The following DNAJC17 variants were observed in gnomAD, a reference collection of about 807,000 sequenced individuals.
DNAJC17 encodes the protein DnaJ heat shock protein family (Hsp40) member C17.
DNAJC17 carries 35 observed loss-of-function variants against 48.1 expected under a neutral mutation model. The observed-to-expected ratio is 0.73, with a 90% confidence interval of 0.56 to 0.96. DNAJC17 has a LOEUF of 0.96. Among genes scored for constraint, DNAJC17 ranks in the 50% least tolerant of loss-of-function variants. The pLI, the probability that DNAJC17 is intolerant of heterozygous loss-of-function variation, is 0.00. For synonymous variants in DNAJC17, 117 were observed against 142.7 expected (o/e 0.82, Z 1.28); for missense variants, 355 against 377.1 (o/e 0.94, Z 0.48).
chr15:40,767,775 G>T lies in DNAJC17; in HGVS notation c.*165C>A, dbSNP rs1888985841. 2 of 993,598 alleles carry T rather than the reference G, an allele frequency of 2.0e-6. No individual in the cohort carries two copies. The highest frequency in any genetic ancestry group is 2.9e-6 in the Non-Finnish European group (2 of 699,746). 61.5% of individuals were successfully genotyped at this position (993,598 alleles called of 1,614,324 possible). On this transcript the variant is annotated 3_prime_UTR_variant, in exon 11 of 11. Transcript: ENST00000220496. ...CACCCTGCGGAGCGTTTCCCTGGGG[G>T]TCTGCCCACTTCCTGGGAGGGGCGC... is the stretch of plus-strand genomic sequence containing the variant.
At position 40,770,534 on chromosome 15, in the gene DNAJC17, C is replaced by A. The variant is rs1388099525; in HGVS notation, c.793-2472G>T. ...GGAAAGGCTCCTTCCGCAACGCCTC[C>A]TTCTTCAAGCAGCTGAGCCTGGGGC... is the stretch of plus-strand genomic sequence containing the variant. On this transcript the variant is annotated intron_variant, in intron 10 of 10. Transcript: ENST00000220496. The surrounding 1 kb of genome is among the most constrained non-coding windows in gnomAD (Gnocchi z 5.0). The A allele has an allele frequency of 6.4e-7, 1 of 1,550,474 alleles. No individual in the cohort carries two copies. The highest frequency in any genetic ancestry group is 8.7e-7 in the Non-Finnish European group (1 of 1,146,960).
Position 40,776,618 on chromosome 15 carries a change from G to A in DNAJC17, c.305C>T (p.Ala102Val), listed in dbSNP as rs760558317. ...KRKKVKLDLE[A>V]RERQAQAQES... is the part of the protein sequence containing the mutation. ...CTGGGCCTGGGCCTGCCGCTCCCGG[G>A]CCTCCAGGTCTAGACACAAGGGTTG... is the stretch of plus-strand genomic sequence containing the variant. The change falls in exon 5 of 11, where the codon GCC becomes GTC. Residue 102 changes from alanine (A) to valine (V), a missense_variant. Ala to Val is a moderately conservative substitution (Grantham distance 64). Around this residue, in one of 3 missense-constraint regions of DNAJC17, gnomAD observed 199 missense variants for 199.9 expected, o/e 1.00. Transcript: ENST00000220496. 3 of 1,613,766 alleles carry A rather than the reference G, an allele frequency of 1.9e-6. No individual in the cohort carries two copies. In the African/African-American group the frequency reaches 4.0e-5, roughly 22 times the overall value.
intron 1 of DNAJC17, among the ~76,000 whole-genome samples, chr15:40,800,926 C>T (rs1890059326): frequency 6.0e-5 from 9 of 150,924 alleles, no homozygotes; most frequent in Admixed American, 5.9e-4. Flanking sequence ...CCACCATGCT[C>T]CAGCCTGGGC....
In DNAJC17 at chr15:40,779,216, C is replaced by T. The variant is rs1228069254; in HGVS notation, c.295+7G>A. The T allele has an allele frequency of 6.2e-7, 1 of 1,613,832 alleles. No homozygotes were observed. The highest frequency in any genetic ancestry group is 1.3e-5 in the African/African-American group (1 of 74,914). The stretch of plus-strand genomic sequence containing the variant: ...CACAGGCCACCGAGCACTATGATGG[C>T]ACCTACCAAGCTTCACTTTCTTCCT... On this transcript the variant is annotated splice_region_variant and intron_variant, in intron 4 of 10. Transcript: ENST00000220496.
At chr15:40,776,777 A>G in intron 4 of DNAJC17, 150 bp from the exon 5 acceptor site, 2 of 694,514 alleles carry the variant, frequency 2.9e-6, no homozygotes, top group Non-Finnish European at 5.0e-6. Context: ...CACGCCCCCG[A>G]GTCAATTTCC....
chr15:40,781,194 T>C (rs1160243665), intron 1 of DNAJC17, among the ~76,000 whole-genome samples: 1 of 147,646 alleles, frequency 6.8e-6, no homozygotes, highest in Non-Finnish European at 1.5e-5. Flanking sequence ...TGGCCAGACA[T>C]GGTGTAATCC....
rs768318190 is a variant in DNAJC17 at position 40,776,620 on chromosome 15, C to A, written c.303G>T (p.Glu101Asp). ...EKRKKVKLDL[E>D]ARERQAQAQE... is the part of the protein sequence containing the mutation. The stretch of plus-strand genomic sequence containing the variant: ...GGGCCTGGGCCTGCCGCTCCCGGGC[C>A]TCCAGGTCTAGACACAAGGGTTGAA... The change falls in exon 5 of 11, where the codon GAG becomes GAT. Residue 101 changes from glutamate (E) to aspartate (D), a missense_variant. By Grantham distance (45) the Glu-to-Asp change is conservative. This residue lies in a region of DNAJC17 where 199 missense variants were observed against 199.9 expected (regional missense o/e 1.00). Transcript: ENST00000220496. 1 of 1,613,976 alleles carries A rather than the reference C, an allele frequency of 6.2e-7. No individual in the cohort carries two copies. The highest frequency in any genetic ancestry group is 1.7e-5 in the Admixed American group (1 of 60,020).
chr15:40,806,861 G>A lies in DNAJC17; in HGVS notation c.78+508C>T, dbSNP rs116935857. Among the ~76,000 whole-genome samples the A allele has an allele frequency of 1.4e-3, 210 of 151,300 alleles. 3 individuals carry two copies. The East Asian group carries it at 0.026, about 19-fold the overall frequency. On this transcript the variant is annotated intron_variant, in intron 1 of 10. Transcript: ENST00000220496. Reference sequence around the variant, plus strand: ...ATCAGCTACTTGAAAAGAGTCAATGGGCTTGAGTGGAAAAGAAAATAGAGA... The same window carrying A: ...ATCAGCTACTTGAAAAGAGTCAATGAGCTTGAGTGGAAAAGAAAATAGAGA...
chr15:40,779,384 C>T, intron 3 of DNAJC17, 74 bp from the exon 4 acceptor site: 1 of 1,578,802 alleles, frequency 6.3e-7, no homozygotes, highest in African/African-American at 1.3e-5. Context: ...TCTGCCTGGC[C>T]CCTAGCCCAC....
chr15:40,774,198 T>A, intron 9 of DNAJC17, 158 bp downstream of exon 9: 1 of 787,644 alleles, frequency 1.3e-6, no homozygotes, highest in South Asian at 1.7e-5. Context: ...TGCCTCTATT[T>A]CCAGGAGTCA....
intron 1 of DNAJC17, among the ~76,000 whole-genome samples, chr15:40,790,511 G>A (rs1240470283): frequency 1.3e-5 from 2 of 152,196 alleles, no homozygotes; most frequent in Non-Finnish European, 2.9e-5. Flanking sequence ...CCCAGGAGGC[G>A]GAGGTTGCAG....
At chr15:40,785,167 CCA>C (rs1889609050) in intron 1 of DNAJC17, among the ~76,000 whole-genome samples, 1 of 152,064 alleles carries the variant, frequency 6.6e-6, no homozygotes, top group African/African-American at 2.4e-5. Flanking sequence ...GAAAAAGCTT[CCA>C]GTCTCAGTAT....
Position 40,767,349 on chromosome 15 carries a change from AC to A in DNAJC17, c.*590del. 1.3e-6 allele frequency: 2 copies of A among 1,596,140 alleles called. No homozygotes were observed. The highest frequency in any genetic ancestry group is 1.7e-6 in the Non-Finnish European group (2 of 1,172,556). The stretch of plus-strand genomic sequence containing the variant: ...TGGTGTGGTGTCTGCACAAGGAGTG[AC>A]CTTCTCATGCTGATTTGCAGACGGG... On this transcript the variant is annotated 3_prime_UTR_variant, in exon 11 of 11. Transcript: ENST00000220496.
chr15:40,769,638 C>A lies in DNAJC17; in HGVS notation c.793-1576G>T, dbSNP rs1433685527. Among the ~76,000 whole-genome samples the A allele has an allele frequency of 6.6e-6, 1 of 152,236 alleles. No homozygotes were observed. Among genetic ancestry groups the A allele is most frequent in the Admixed American group, 6.5e-5 (1 of 15,286 alleles). On this transcript the variant is annotated intron_variant, in intron 10 of 10. Transcript: ENST00000220496. This position sits in a 1 kb window ranked among gnomAD's most constrained non-coding sequence, Gnocchi z 4.2. ...AGTCACCCATACCAGCTACAGGTCT[C>A]TTCCTTCCCCAACAATCGTTCCACA...
At position 40,769,460 on chromosome 15, in the gene DNAJC17, C is replaced by G. The variant is rs1889058178; in HGVS notation, c.793-1398G>C. On this transcript the variant is annotated intron_variant, in intron 10 of 10. Coordinates refer to ENST00000220496, the MANE Select transcript of DNAJC17 (RefSeq NM_018163.3). This position sits in a 1 kb window ranked among gnomAD's most constrained non-coding sequence, Gnocchi z 4.2. Reference sequence around the variant, plus strand: ...ATCTCCCATCCCCAGGTTAATGCTGCTCTGCCAAGAAAACTTGGAGCCACC... The same window carrying G: ...ATCTCCCATCCCCAGGTTAATGCTGGTCTGCCAAGAAAACTTGGAGCCACC... Among the ~76,000 whole-genome samples, 1 of 152,258 alleles carries G rather than the reference C, an allele frequency of 6.6e-6. No individual in the cohort carries two copies. The highest frequency in any genetic ancestry group is 1.5e-5 in the Non-Finnish European group (1 of 68,038).
At chr15:40,800,906 C>T (rs1596101526) in intron 1 of DNAJC17, among the ~76,000 whole-genome samples, 3 of 150,366 alleles carry the variant, frequency 2.0e-5, no homozygotes, top group South Asian at 4.2e-4. Context: ...TATAGTGAGC[C>T]GAGATTGCGC....
rs1045955424 is a variant in DNAJC17, at chr15:40,767,302, A to C, written c.*638T>G. ...ACGCAGGGGCTTCCGTGTGCTGAGCATGACGGGGGTGGGCCAGACGCTGGT... is the reference window on the plus strand; with the variant it reads ...ACGCAGGGGCTTCCGTGTGCTGAGCCTGACGGGGGTGGGCCAGACGCTGGT... On this transcript the variant is annotated 3_prime_UTR_variant, in exon 11 of 11. Coordinates refer to ENST00000220496, the MANE Select transcript of DNAJC17 (RefSeq NM_018163.3). 1.2e-6 allele frequency: 2 copies of C among 1,604,422 alleles called. No homozygotes were observed. The highest frequency in any genetic ancestry group is 1.3e-5 in the African/African-American group (1 of 74,250).
At chr15:40,791,482 C>T (rs1016394344) in intron 1 of DNAJC17, among the ~76,000 whole-genome samples, 2 of 151,734 alleles carry the variant, frequency 1.3e-5, no homozygotes, top group East Asian at 1.9e-4. Flanking sequence ...GAGCCAAGAT[C>T]GCACCACTGC....
intron 4 of DNAJC17, among the ~76,000 whole-genome samples, chr15:40,777,883 T>C (rs1210968181): frequency 1.3e-5 from 2 of 152,166 alleles, no homozygotes; most frequent in African/African-American, 2.4e-5. Context: ...GAAAAATCAT[T>C]GAAGTGTACA....
Sources: gnomAD v4.1 joint callset for allele counts (sites outside exome capture counted in the v4.1 genomes callset) on GRCh38, gnomAD v4.1.1 for gene constraint, gnomAD v4.1.1 regional missense constraint, Gnocchi (gnomAD v3.1) non-coding constraint, MANE v1.5 for transcripts, NCBI Gene and HGNC (gene_info 2026-07-23, HGNC 2026-07-21) for gene names.